Variants in SYT16 observed in about 807,000 individuals in gnomAD.
The protein encoded by SYT16 is synaptotagmin-16.
In SYT16, 42 loss-of-function variants were observed where a neutral mutation model predicts 61.4. The ratio of observed to expected loss-of-function variants is 0.68; its 90% confidence interval spans 0.53 to 0.89. The LOEUF (loss-of-function observed/expected upper bound fraction) is 0.89, where lower values mean the gene tolerates loss of function less well. Among genes scored for constraint, SYT16 ranks in the 40% least tolerant of loss-of-function variants. The pLI is 0.00. For missense variants in SYT16, 804 were observed against 807.3 expected (o/e 1.00, Z 0.05); for synonymous variants, 314 against 302.3 (o/e 1.04, Z -0.40).
rs978410083 is a variant in SYT16 at position 62,105,854 on chromosome 14, C to G, written c.*5147C>G. Reference sequence around the variant, plus strand: ...TACACTCCTAATATAATCAAATTGCCAAAGCACTGTTTTGAGTCCTCGGTA... The same window carrying G: ...TACACTCCTAATATAATCAAATTGCGAAAGCACTGTTTTGAGTCCTCGGTA... On this transcript the variant is annotated 3_prime_UTR_variant, in exon 8 of 8. Coordinates refer to ENST00000683842, the MANE Select transcript of SYT16 (RefSeq NM_001367656.1). 6.6e-6 allele frequency: 1 copy of G among 152,074 alleles called. No homozygotes were observed. The highest frequency in any genetic ancestry group is 1.5e-5 in the Non-Finnish European group (1 of 68,008). 9.4% of individuals were successfully genotyped at this position (152,074 alleles called of 1,614,324 possible).
chr14:62,015,183 T>G (rs2053620264), intron 3 of SYT16, among the ~76,000 whole-genome samples: 1 of 152,220 alleles, frequency 6.6e-6, no homozygotes, highest in Non-Finnish European at 1.5e-5. Context: ...CTAAATTTTT[T>G]TATGGATGTA....
At chr14:62,065,818 C>T (rs1388131534) in intron 3 of SYT16, among the ~76,000 whole-genome samples, 1 of 152,178 alleles carries the variant, frequency 6.6e-6, no homozygotes, top group Non-Finnish European at 1.5e-5. Context: ...TGGTCCATCG[C>T]ATCCTAGAGT....
intron 3 of SYT16, among the ~76,000 whole-genome samples, chr14:62,056,729 C>G (rs1256468321): frequency 6.6e-6 from 1 of 152,174 alleles, no homozygotes; most frequent in East Asian, 1.9e-4. Context: ...ACCAAATACC[C>G]ATTCAGGCTC....
intron 1 of SYT16, among the ~76,000 whole-genome samples, chr14:61,836,270 C>T (rs1350018202): frequency 2.0e-5 from 3 of 152,144 alleles, no homozygotes; most frequent in East Asian, 1.9e-4. Context: ...CCTGCACCTG[C>T]GTGTGTTTAT....
chr14:62,021,532 A>G (rs1009841098), intron 3 of SYT16, among the ~76,000 whole-genome samples: 3 of 151,928 alleles, frequency 2.0e-5, no homozygotes, highest in Non-Finnish European at 2.9e-5. Flanking sequence ...GAGGTCTTCA[A>G]CTGTGCCCAA....
At chr14:61,846,967 CT>C (rs1236213930) in intron 1 of SYT16, among the ~76,000 whole-genome samples, 3 of 152,118 alleles carry the variant, frequency 2.0e-5, no homozygotes, top group Non-Finnish European at 4.4e-5. Context: ...CTCTGTCTTC[CT>C]GTTTTTAAAC....
chr14:62,043,727 A>G (rs905023620), intron 3 of SYT16, among the ~76,000 whole-genome samples: 3 of 149,006 alleles, frequency 2.0e-5, no homozygotes, highest in African/African-American at 5.0e-5. Context: ...AGTTTTTAAA[A>G]TTGATTTTCC....
At chr14:62,051,836 A>T (rs1384830905) in intron 3 of SYT16, among the ~76,000 whole-genome samples, 2 of 152,176 alleles carry the variant, frequency 1.3e-5, no homozygotes, top group Non-Finnish European at 2.9e-5. Flanking sequence ...GTTTGAGATC[A>T]GCCTGGGCAA....
chr14:61,889,932 G>A (rs2048058976), intron 1 of SYT16, among the ~76,000 whole-genome samples: 2 of 151,948 alleles, frequency 1.3e-5, no homozygotes, highest in East Asian at 3.9e-4. Context: ...GGTCAGCCTA[G>A]TCAAGCAGAG....
chr14:62,016,168 C>G (rs1419396633), intron 3 of SYT16, among the ~76,000 whole-genome samples: 1 of 152,190 alleles, frequency 6.6e-6, no homozygotes, highest in East Asian at 1.9e-4. Context: ...AGCAGTAACT[C>G]TTCTCTGGCA....
intron 1 of SYT16, among the ~76,000 whole-genome samples, chr14:61,868,768 T>C (rs944167045): frequency 3.3e-5 from 5 of 152,054 alleles, no homozygotes; most frequent in African/African-American, 4.8e-5. Context: ...TATTTTGTTT[T>C]TGTTGGTTGT....
chr14:61,981,146 T>G (rs891534301), intron 2 of SYT16, among the ~76,000 whole-genome samples: 3 of 152,168 alleles, frequency 2.0e-5, no homozygotes, highest in Admixed American at 6.6e-5. Context: ...GGGAGGTCAG[T>G]TTTTGTACCA....
intron 3 of SYT16, among the ~76,000 whole-genome samples, chr14:62,062,219 G>A (rs1441425623): frequency 6.6e-6 from 1 of 152,240 alleles, no homozygotes; most frequent in Non-Finnish European, 1.5e-5. Context: ...ACCAGATGTT[G>A]ATCTTTTTTC....
intron 1 of SYT16, among the ~76,000 whole-genome samples, chr14:61,888,230 G>C (rs373432089): frequency 6.7e-6 from 1 of 149,698 alleles, no homozygotes; most frequent in Non-Finnish European, 1.5e-5. Context: ...CGATTCTCCT[G>C]CCTCAGCCTC....
At chr14:62,057,268 A>G (rs116975652) in intron 3 of SYT16, among the ~76,000 whole-genome samples, 6 of 152,334 alleles carry the variant, frequency 3.9e-5, no homozygotes, top group South Asian at 4.1e-4. Flanking sequence ...TTGACACTCA[A>G]TATTAACCAT....
chr14:62,025,061 A>C (rs1319612938), intron 3 of SYT16, among the ~76,000 whole-genome samples: 1 of 152,090 alleles, frequency 6.6e-6, no homozygotes, highest in African/African-American at 2.4e-5. Flanking sequence ...TTGCTTCTAA[A>C]TTTTGGCAAT....
intron 7 of SYT16, among the ~76,000 whole-genome samples, chr14:62,094,550 C>T (rs1288674499): frequency 1.3e-5 from 2 of 152,114 alleles, no homozygotes; most frequent in Admixed American, 1.3e-4. Flanking sequence ...GTTATATCCT[C>T]TGATATTAGT....
chr14:62,012,710 T>C (rs766477272), intron 3 of SYT16, among the ~76,000 whole-genome samples: 4 of 152,162 alleles, frequency 2.6e-5, no homozygotes, highest in Non-Finnish European at 4.4e-5. Context: ...TTTACTCTTA[T>C]AGATTTTTTT....
At chr14:61,829,660 CT>C (rs546044080) in intron 1 of SYT16, among the ~76,000 whole-genome samples, 79 of 145,576 alleles carry the variant, frequency 5.4e-4, no homozygotes, top group Non-Finnish European at 4.2e-4. Flanking sequence ...ATTTTCTTTT[CT>C]TTTTTTTTTT....
Sources: allele counts gnomAD v4.1 joint callset (sites outside exome capture counted in the v4.1 genomes callset), GRCh38; gene constraint gnomAD v4.1.1; transcripts MANE v1.5; gene names NCBI Gene and HGNC (gene_info 2026-07-23, HGNC 2026-07-21).